The following RASA1 variants were observed in gnomAD, a reference collection of about 807,000 sequenced individuals.
RASA1 encodes ras GTPase-activating protein 1.
A neutral mutation model predicts 132.2 loss-of-function variants in RASA1; 25 were observed. That is an observed-to-expected ratio of 0.19 (90% CI 0.14 to 0.26). The LOEUF (loss-of-function observed/expected upper bound fraction) is 0.26, where lower values mean the gene tolerates loss of function less well. Ranked by LOEUF, RASA1 falls within the 10% of genes least tolerant of loss-of-function variation. The pLI, the probability that RASA1 is intolerant of heterozygous loss-of-function variation, is 1.00. For synonymous variants in RASA1, 477 were observed against 449.9 expected (o/e 1.06, Z -0.76); for missense variants, 964 against 1,299.2 (o/e 0.74, Z 3.97).
chr5:87,290,480 C>T (rs764637811), intron 1 of RASA1, among the ~76,000 whole-genome samples: 36 of 152,334 alleles, frequency 2.4e-4, no homozygotes, highest in Admixed American at 5.9e-4. Context: ...GGTGAACTTA[C>T]ATTAGCATAT....
chr5:87,301,297 T>C (rs1286497739), intron 1 of RASA1, among the ~76,000 whole-genome samples: 1 of 152,180 alleles, frequency 6.6e-6, no homozygotes, highest in Non-Finnish European at 1.5e-5. Context: ...AGTTTTAGTA[T>C]AGAGTTTTTC....
intron 1 of RASA1, among the ~76,000 whole-genome samples, chr5:87,303,225 C>G (rs1404589094): frequency 6.6e-6 from 1 of 152,078 alleles, no homozygotes; most frequent in African/African-American, 2.4e-5. Flanking sequence ...TACTTTGTGA[C>G]CTTTTTCATT....
chr5:87,275,395 T>C (rs1206599717), intron 1 of RASA1, among the ~76,000 whole-genome samples: 1 of 152,164 alleles, frequency 6.6e-6, no homozygotes, highest in Non-Finnish European at 1.5e-5. Context: ...ATTCTAAAAT[T>C]TGTGTATGGC....
intron 1 of RASA1, among the ~76,000 whole-genome samples, chr5:87,310,946 C>T (rs1302637089): frequency 6.6e-6 from 1 of 152,006 alleles, no homozygotes; most frequent in Non-Finnish European, 1.5e-5. Flanking sequence ...AAAAATAAAG[C>T]CAGTTCCAGT....
At chr5:87,269,171 T>C in intron 1 of RASA1, 181 bp downstream of exon 1, 1 of 1,610,544 alleles carries the variant, frequency 6.2e-7, no homozygotes, top group Non-Finnish European at 8.5e-7. Flanking sequence ...GCATACTACC[T>C]GGCGTCTTCC....
At chr5:87,328,385 G>A (rs1757386145) in intron 1 of RASA1, among the ~76,000 whole-genome samples, 1 of 151,994 alleles carries the variant, frequency 6.6e-6, no homozygotes, top group South Asian at 2.1e-4. Context: ...GATATAATAA[G>A]GCTTTGACTG....
At position 87,375,750 on chromosome 5, in the gene RASA1, A is replaced by G. The variant is rs146332454; in HGVS notation, c.2012-643A>G. ...GATTTACCAGTTCACATCAGGGTGAATTAGGTTAATACCTTCTTAAAACTC... is the reference window on the plus strand; with the variant it reads ...GATTTACCAGTTCACATCAGGGTGAGTTAGGTTAATACCTTCTTAAAACTC... On this transcript the variant is annotated intron_variant, in intron 15 of 24. Transcript: ENST00000274376. 7.0e-3 allele frequency among the ~76,000 whole-genome samples: 1,067 copies of G among 152,296 alleles called. 5 individuals are homozygous for G. Among genetic ancestry groups the G allele is most frequent in the African/African-American group, 0.016 (680 of 41,564 alleles).
chr5:87,321,463 T>G (rs1356172878), intron 1 of RASA1, among the ~76,000 whole-genome samples: 1 of 152,230 alleles, frequency 6.6e-6, no homozygotes, highest in Non-Finnish European at 1.5e-5. Context: ...AGTCTGCATC[T>G]CTGGAACTTC....
chr5:87,362,706 A>G (rs911477478), intron 10 of RASA1, 35 bp downstream of exon 10: 1 of 1,590,028 alleles, frequency 6.3e-7, no homozygotes, highest in African/African-American at 1.3e-5. Flanking sequence ...CCCATTTGAT[A>G]GAGACGTTGT....
chr5:87,276,725 A>G (rs1473134315), intron 1 of RASA1, among the ~76,000 whole-genome samples: 1 of 152,220 alleles, frequency 6.6e-6, no homozygotes, highest in Non-Finnish European at 1.5e-5. Context: ...AGGAAATTTC[A>G]GTATCATTCA....
At chr5:87,382,389 T>C (rs753199259) in intron 20 of RASA1, among the ~76,000 whole-genome samples, 15 of 152,214 alleles carry the variant, frequency 9.9e-5, no homozygotes, top group Admixed American at 5.2e-4. Flanking sequence ...GAACAGAGAT[T>C]GTATCTATTA....
At chr5:87,329,187 G>A (rs1757439513) in intron 1 of RASA1, among the ~76,000 whole-genome samples, 1 of 151,788 alleles carries the variant, frequency 6.6e-6, no homozygotes, top group African/African-American at 2.4e-5. Flanking sequence ...GCTCACACCT[G>A]TAATCCTAGC....
intron 1 of RASA1, among the ~76,000 whole-genome samples, chr5:87,310,987 T>C (rs767139361): frequency 1.3e-5 from 2 of 152,176 alleles, no homozygotes; most frequent in African/African-American, 2.4e-5. Context: ...CAGTAAAAAT[T>C]ATTAATTTTA....
intron 11 of RASA1, among the ~76,000 whole-genome samples, chr5:87,367,914 AT>A: frequency 6.6e-6 from 1 of 151,916 alleles, no homozygotes; most frequent in South Asian, 2.1e-4. Flanking sequence ...CTTTCTCTGG[AT>A]GCTTTGAGAT....
intron 8 of RASA1, among the ~76,000 whole-genome samples, chr5:87,352,084 T>A (rs1561302500): frequency 1.3e-5 from 2 of 151,720 alleles, no homozygotes; most frequent in Admixed American, 6.6e-5. Flanking sequence ...TAGATTTTTT[T>A]ATTAAAAACA....
In RASA1 at chr5:87,378,482, C is replaced by A; in HGVS notation, c.2431C>A (p.His811Asn). The stretch of plus-strand genomic sequence containing the variant: ...GAAAGCCACTGCTACACAGTTTGTT[C>A]ATCATGCTTTGAAAGACTCTATTTT... Reference protein sequence around the residue: ...YMKATATQFVHHALKDSILKI... With the variant: ...YMKATATQFVNHALKDSILKI... Residue 811 changes from histidine (H) to asparagine (N), a missense_variant, in exon 18 of 25, where the codon CAT (histidine) becomes AAT (asparagine). This residue lies in a region of RASA1 where 346 missense variants were observed against 520.1 expected (regional missense o/e 0.67). Coordinates refer to ENST00000274376, the MANE Select transcript of RASA1 (RefSeq NM_002890.3). 1 of 1,612,386 alleles carries A rather than the reference C, an allele frequency of 6.2e-7. No homozygotes were observed. The highest frequency in any genetic ancestry group is 1.1e-5 in the South Asian group (1 of 91,036).
intron 24 of RASA1, among the ~76,000 whole-genome samples, 178 bp downstream of exon 24, chr5:87,389,705 A>G (rs1220284570): frequency 6.6e-6 from 1 of 152,258 alleles, no homozygotes; most frequent in Non-Finnish European, 1.5e-5. Flanking sequence ...AAAATGATGT[A>G]CATTTAATAC....
intron 1 of RASA1, among the ~76,000 whole-genome samples, chr5:87,323,130 A>G (rs1756950597): frequency 6.6e-6 from 1 of 152,212 alleles, no homozygotes; most frequent in East Asian, 1.9e-4. Flanking sequence ...CTGTGAATAA[A>G]TACAGAAATG....
chr5:87,302,900 C>T (rs138535368), intron 1 of RASA1, among the ~76,000 whole-genome samples: 22 of 151,994 alleles, frequency 1.4e-4, no homozygotes, highest in Admixed American at 5.9e-4. Flanking sequence ...TTTGCATGCT[C>T]GAAGGAGATG....
Sources: allele counts gnomAD v4.1 joint callset (sites outside exome capture counted in the v4.1 genomes callset), GRCh38; gene constraint gnomAD v4.1.1; regional missense constraint gnomAD v4.1.1; transcripts MANE v1.5; gene names NCBI Gene and HGNC (gene_info 2026-07-23, HGNC 2026-07-21).